PIK3C2G: variants seen among roughly 807,000 people sequenced by gnomAD.
PIK3C2G encodes phosphatidylinositol-4-phosphate 3-kinase catalytic subunit type 2 gamma, also known as phosphatidylinositol 3-kinase C2 domain-containing subunit gamma.
Under a neutral mutation model 181.1 loss-of-function variants are expected in PIK3C2G, and 168 were observed. The ratio of observed to expected loss-of-function variants is 0.93; its 90% confidence interval spans 0.82 to 1.05. The LOEUF is 1.05. PIK3C2G is among the 50% of genes least tolerant of loss of function. The pLI is 0.00. For missense variants in PIK3C2G, 1,869 were observed against 1,732.8 expected, an observed-to-expected ratio of 1.08 and a Z score of -1.40; for synonymous variants, 573 against 592.2, an observed-to-expected ratio of 0.97 and a Z score of 0.47.
At chr12:18,525,279 C>G (rs914419594) in intron 24 of PIK3C2G, among the ~76,000 whole-genome samples, 2 of 151,852 alleles carry the variant, frequency 1.3e-5, no homozygotes, top group East Asian at 3.9e-4. Flanking sequence ...GTAATCACAG[C>G]TACTCGAGAG....
the PIK3C2G span, among the ~76,000 whole-genome samples, chr12:18,709,957 T>C: frequency 6.6e-6 from 1 of 151,890 alleles, no homozygotes; most frequent in Non-Finnish European, 1.5e-5. Context: ...TTCAATTAGG[T>C]CACTATTTGC....
At chr12:18,455,737 A>C (rs544406774) in intron 18 of PIK3C2G, among the ~76,000 whole-genome samples, 6 of 151,660 alleles carry the variant, frequency 4.0e-5, no homozygotes, top group African/African-American at 1.5e-4. Flanking sequence ...GATCTCTTTT[A>C]TAAGGGCACA....
upstream of PIK3C2G, among the ~76,000 whole-genome samples, chr12:18,256,971 G>T (rs1381606081): frequency 2.6e-5 from 4 of 151,920 alleles, no homozygotes; most frequent in South Asian, 2.1e-4. Context: ...CTTGTTGTTG[G>T]CAGGACAACT....
intron 24 of PIK3C2G, among the ~76,000 whole-genome samples, chr12:18,517,907 T>G (rs1942654095): frequency 6.6e-6 from 1 of 152,218 alleles, no homozygotes; most frequent in African/African-American, 2.4e-5. Flanking sequence ...ATATGTTCCA[T>G]CAATACCAAG....
intron 16 of PIK3C2G, among the ~76,000 whole-genome samples, chr12:18,419,918 T>C (rs548991116): frequency 5.9e-5 from 9 of 152,262 alleles, no homozygotes; most frequent in Admixed American, 4.6e-4. Context: ...GAGAAAACAC[T>C]GACCATTAAA....
chr12:18,579,306 T>C (rs1489240228), intron 29 of PIK3C2G, among the ~76,000 whole-genome samples: 1 of 152,204 alleles, frequency 6.6e-6, no homozygotes, highest in African/African-American at 2.4e-5. Context: ...AGCTTTAACA[T>C]GAAATCGTAC....
rs192927367 is a variant in PIK3C2G, at chr12:18,376,739, T to C, written c.1881-5027T>C. Among the ~76,000 whole-genome samples the C allele has an allele frequency of 2.4e-3, 372 of 152,240 alleles. 2 individuals carry two copies. The highest frequency in any genetic ancestry group is 4.0e-3 in the Non-Finnish European group (274 of 68,006). ...TCATGGAGATGGGTCCTTCTTGGCTTGTGGCTGTCCTTGAGATAGTGAGTG... is the reference window on the plus strand; with the variant it reads ...TCATGGAGATGGGTCCTTCTTGGCTCGTGGCTGTCCTTGAGATAGTGAGTG... On this transcript the variant is annotated intron_variant, in intron 13 of 32. Coordinates refer to ENST00000538779, the MANE Select transcript of PIK3C2G (RefSeq NM_001288772.2).
At chr12:18,699,452 G>C in the PIK3C2G span, among the ~76,000 whole-genome samples, 2 of 152,062 alleles carry the variant, frequency 1.3e-5, no homozygotes, top group African/African-American at 2.4e-5. Context: ...TCGCTTCCAG[G>C]ACAAAGTTCA....
At chr12:18,692,254 C>T in the PIK3C2G span, among the ~76,000 whole-genome samples, 1 of 151,986 alleles carries the variant, frequency 6.6e-6, no homozygotes, top group Non-Finnish European at 1.5e-5. Flanking sequence ...CTAGGAGTAA[C>T]TAGTTAAATA....
chr12:18,421,841 C>T (rs1945506217), intron 17 of PIK3C2G, among the ~76,000 whole-genome samples: 1 of 151,426 alleles, frequency 6.6e-6, no homozygotes, highest in Non-Finnish European at 1.5e-5. Flanking sequence ...TGACTGGAAA[C>T]TGGTAGAAGG....
At chr12:18,678,514 C>T in the PIK3C2G span, among the ~76,000 whole-genome samples, 1 of 152,002 alleles carries the variant, frequency 6.6e-6, no homozygotes, top group Non-Finnish European at 1.5e-5. Context: ...TCCCTCTTTC[C>T]ATCCCTAACG....
At chr12:18,260,984 A>T (rs547868773), upstream of PIK3C2G, among the ~76,000 whole-genome samples, 109 of 152,248 alleles carry the variant, frequency 7.2e-4, no homozygotes, top group African/African-American at 2.6e-3. Flanking sequence ...TTAAATTGAA[A>T]TTTACTATGC....
chr12:18,608,957 G>C (rs1042929051), intron 30 of PIK3C2G, among the ~76,000 whole-genome samples: 2 of 152,082 alleles, frequency 1.3e-5, no homozygotes, highest in Non-Finnish European at 2.9e-5. Context: ...ACGTTTATAT[G>C]AGTTTGAATT....
chr12:18,325,862 T>C (rs1178244568), intron 8 of PIK3C2G, among the ~76,000 whole-genome samples: 2 of 152,096 alleles, frequency 1.3e-5, no homozygotes, highest in East Asian at 3.9e-4. Context: ...GGCCAAATTA[T>C]GTAGGATCTT....
the PIK3C2G span, among the ~76,000 whole-genome samples, chr12:18,653,490 C>T: frequency 2.0e-5 from 3 of 152,142 alleles, no homozygotes; most frequent in African/African-American, 4.8e-5. Context: ...AAATGTGTTA[C>T]AAGCTCTAGT....
chr12:18,327,686 A>G (rs916939546), intron 8 of PIK3C2G, among the ~76,000 whole-genome samples: 48 of 152,120 alleles, frequency 3.2e-4, no homozygotes, highest in Admixed American at 2.4e-3. Context: ...TGTATTCTTA[A>G]TTTTATAGAA....
the PIK3C2G span, among the ~76,000 whole-genome samples, chr12:18,658,043 A>G: frequency 6.6e-6 from 1 of 152,164 alleles, no homozygotes; most frequent in African/African-American, 2.4e-5. Context: ...AAAAATTATA[A>G]CAACTGAAAT....
the PIK3C2G span, among the ~76,000 whole-genome samples, chr12:18,678,194 A>G: frequency 1.3e-5 from 2 of 152,038 alleles, no homozygotes; most frequent in East Asian, 1.9e-4. Flanking sequence ...ACCTGATCCA[A>G]TTAGAGGTCT....
At chr12:18,361,725 G>T (rs561004640) in intron 11 of PIK3C2G, among the ~76,000 whole-genome samples, 1 of 152,210 alleles carries the variant, frequency 6.6e-6, no homozygotes, top group East Asian at 1.9e-4. Context: ...AGGTTCTCTG[G>T]AATTTCTGTG....
Sources: gnomAD v4.1 joint callset for allele counts (sites outside exome capture counted in the v4.1 genomes callset) on GRCh38, gnomAD v4.1.1 for gene constraint, MANE v1.5 for transcripts, NCBI Gene and HGNC (gene_info 2026-07-23, HGNC 2026-07-21) for gene names.